The following PRKG1 variants were observed in gnomAD, a reference collection of about 807,000 sequenced individuals.
The protein encoded by PRKG1 is protein kinase cGMP-dependent 1.
In PRKG1, 35 loss-of-function variants were observed where a neutral mutation model predicts 88.1. The observed-to-expected ratio is 0.40, with a 90% CI of 0.30 to 0.53. The LOEUF (loss-of-function observed/expected upper bound fraction) is 0.53, where lower values mean the gene tolerates loss of function less well. Ranked by LOEUF, PRKG1 falls within the 20% of genes least tolerant of loss-of-function variation. The pLI is 0.59. For synonymous variants in PRKG1, 303 were observed against 292.5 expected (o/e 1.04, Z -0.37); for missense variants, 540 against 839.8 (o/e 0.64, Z 4.41).
chr10:51,718,086 C>T (rs944123627), intron 3 of PRKG1, among the ~76,000 whole-genome samples: 3 of 152,034 alleles, frequency 2.0e-5, no homozygotes, highest in South Asian at 4.1e-4. Context: ...AAATGAAGCC[C>T]GTCTTCTCCT....
At position 51,867,585 on chromosome 10, in the gene PRKG1, A is replaced by G. The variant is rs560560531; in HGVS notation, c.699-39922A>G. Among the ~76,000 whole-genome samples, 6 of 152,234 alleles carry G rather than the reference A, an allele frequency of 3.9e-5. No homozygotes were observed. The East Asian group carries it at 1.2e-3, about 29-fold the overall frequency. ...TGGTGAATGAGTTAAATGTGGGGGAAGCAAGGGAAAAAGGAAGGAGTCTAG... is the reference window on the plus strand; with the variant it reads ...TGGTGAATGAGTTAAATGTGGGGGAGGCAAGGGAAAAAGGAAGGAGTCTAG... On this transcript the variant is annotated intron_variant, in intron 4 of 17. Coordinates refer to ENST00000373980, the MANE Select transcript of PRKG1 (RefSeq NM_006258.4).
At chr10:51,834,219 C>T (rs6480499) in intron 4 of PRKG1, among the ~76,000 whole-genome samples, 61,092 of 151,962 alleles carry the variant, frequency 0.4, 14,155 homozygotes, top group Middle Eastern at 0.53. Context: ...AAACTGTGCC[C>T]TGCCTCTTAT....
At chr10:52,197,674 C>T (rs1839544283) in intron 9 of PRKG1, among the ~76,000 whole-genome samples, 1 of 152,192 alleles carries the variant, frequency 6.6e-6, no homozygotes, top group Admixed American at 6.5e-5. Flanking sequence ...ACTTCACTTA[C>T]ACAACTTCAG....
At chr10:51,425,900 C>T (rs965117693) in intron 2 of PRKG1, among the ~76,000 whole-genome samples, 7 of 152,198 alleles carry the variant, frequency 4.6e-5, no homozygotes, top group African/African-American at 1.7e-4. Flanking sequence ...ATTCCGTAGG[C>T]TCTCAATTTT....
chr10:51,434,167 A>G (rs946472303), intron 2 of PRKG1, among the ~76,000 whole-genome samples: 3 of 152,108 alleles, frequency 2.0e-5, no homozygotes, highest in East Asian at 1.9e-4. Flanking sequence ...ATTCACAGCC[A>G]TAGCAGAGTG....
intron 8 of PRKG1, among the ~76,000 whole-genome samples, chr10:52,158,985 A>T (rs1196903366): frequency 6.6e-6 from 1 of 151,510 alleles, no homozygotes; most frequent in Non-Finnish European, 1.5e-5. Flanking sequence ...GTAAATACTT[A>T]TGCTATAATA....
intron 1 of PRKG1, among the ~76,000 whole-genome samples, chr10:51,103,645 C>A (rs1030773695): frequency 2.0e-5 from 3 of 152,078 alleles, no homozygotes; most frequent in Non-Finnish European, 4.4e-5. Context: ...AAAGTGGGAT[C>A]CGGATGAGCT....
At position 52,272,479 on chromosome 10, in the gene PRKG1, T is replaced by C; in HGVS notation, c.1401T>C (p.Asp467=). Residue 467 remains aspartate, a splice_region_variant and synonymous_variant, in exon 12 of 18, where the codon GAT becomes GAC. Coordinates refer to ENST00000373980, the MANE Select transcript of PRKG1 (RefSeq NM_006258.4). ...LGGELWTILR[D]RGSFEDSTTR... ...GAGAGCTCTGGACCATTCTCAGGGA[T>C]AGGTAGGAGATTTAAGAAATTTCTA... is the stretch of plus-strand genomic sequence containing the variant. 6.2e-7 allele frequency: 1 copy of C among 1,600,298 alleles called. No homozygotes were observed. Among genetic ancestry groups the C allele is most frequent in the Non-Finnish European group, 8.5e-7 (1 of 1,169,780 alleles).
intron 3 of PRKG1, among the ~76,000 whole-genome samples, chr10:51,618,180 C>G (rs2132256719): frequency 6.6e-6 from 1 of 152,274 alleles, no homozygotes; most frequent in South Asian, 2.1e-4. Context: ...ATTAAGGAAA[C>G]TTGGAGGCTG....
At chr10:51,906,233 G>A (rs1379223241) in intron 4 of PRKG1, among the ~76,000 whole-genome samples, 1 of 152,154 alleles carries the variant, frequency 6.6e-6, no homozygotes, top group East Asian at 1.9e-4. Flanking sequence ...CAGACTAACA[G>A]AGGAGAGAGT....
chr10:51,005,088 A>G (rs1842927704), intron 1 of PRKG1, among the ~76,000 whole-genome samples: 1 of 152,122 alleles, frequency 6.6e-6, no homozygotes, highest in Non-Finnish European at 1.5e-5. Flanking sequence ...GTGATATTGG[A>G]CTAGATTTAC....
chr10:52,176,181 T>C (rs1838862025), intron 9 of PRKG1, among the ~76,000 whole-genome samples: 1 of 144,498 alleles, frequency 6.9e-6, no homozygotes, highest in Non-Finnish European at 1.5e-5. Flanking sequence ...CTCTTTTTTT[T>C]TTTTTTTTTT....
intron 2 of PRKG1, among the ~76,000 whole-genome samples, chr10:51,176,898 A>G (rs1357774619): frequency 2.0e-5 from 3 of 152,204 alleles, no homozygotes; most frequent in Admixed American, 1.3e-4. Flanking sequence ...ATAAAATGTT[A>G]TTGATATGAC....
intron 3 of PRKG1, among the ~76,000 whole-genome samples, chr10:51,520,042 A>G (rs1841696233): frequency 6.6e-6 from 1 of 152,096 alleles, no homozygotes; most frequent in African/African-American, 2.4e-5. Context: ...AGAGAAGTCA[A>G]ATGACTTGCC....
Position 52,256,650 on chromosome 10 carries a change from T to A in PRKG1, c.1173+4984T>A, listed in dbSNP as rs553872068. On this transcript the variant is annotated intron_variant, in intron 10 of 17. Transcript: ENST00000373980. Reference sequence around the variant, plus strand: ...TATTATTAAAGCATGCTAATGATAGTTCTTTTTATTTATCACTTCCAGCTA... The same window carrying A: ...TATTATTAAAGCATGCTAATGATAGATCTTTTTATTTATCACTTCCAGCTA... Among the ~76,000 whole-genome samples, 6 of 139,972 alleles carry A rather than the reference T, an allele frequency of 4.3e-5. 1 individual carries two copies. In the East Asian group the frequency reaches 8.2e-4, roughly 19 times the overall value. 91.8% of individuals were successfully genotyped at this position (139,972 alleles called of 152,430 possible).
intron 12 of PRKG1, among the ~76,000 whole-genome samples, chr10:52,275,374 G>A (rs144112175): frequency 0.018 from 2,756 of 152,216 alleles, 84 homozygotes; most frequent in African/African-American, 0.063. Flanking sequence ...TGAGAGATGA[G>A]GATCCAGTTT....
At chr10:51,013,696 C>T (rs1186633040) in intron 1 of PRKG1, among the ~76,000 whole-genome samples, 2 of 152,060 alleles carry the variant, frequency 1.3e-5, no homozygotes, top group Non-Finnish European at 2.9e-5. Context: ...GGCCCTGTAA[C>T]ACTTTTAAAA....
intron 1 of PRKG1, among the ~76,000 whole-genome samples, chr10:51,054,838 G>A (rs574527933): frequency 1.4e-3 from 218 of 152,160 alleles, no homozygotes; most frequent in African/African-American, 1.4e-3. Context: ...GTTTTCTCAC[G>A]TTTAAAATTA....
At chr10:51,366,204 T>G (rs1842586979) in intron 2 of PRKG1, among the ~76,000 whole-genome samples, 2 of 151,904 alleles carry the variant, frequency 1.3e-5, no homozygotes, top group Admixed American at 1.3e-4. Flanking sequence ...CTGAAGGAAG[T>G]GCAATGTCAC....
Sources: allele counts gnomAD v4.1 joint callset (sites outside exome capture counted in the v4.1 genomes callset), GRCh38; gene constraint gnomAD v4.1.1; transcripts MANE v1.5; gene names NCBI Gene and HGNC (gene_info 2026-07-23, HGNC 2026-07-21).